The following FAM193A variants were observed in gnomAD, a reference collection of about 807,000 sequenced individuals.
FAM193A encodes the protein protein FAM193A.
A neutral mutation model predicts 126.5 loss-of-function variants in FAM193A; 22 were observed. That is an observed-to-expected ratio of 0.17 (90% CI 0.12 to 0.25). The LOEUF (loss-of-function observed/expected upper bound fraction) is 0.25, where lower values mean the gene tolerates loss of function less well. FAM193A is among the 10% of genes least tolerant of loss of function. The pLI is 1.00. For missense variants in FAM193A, 1,675 were observed against 1,672.8 expected, an observed-to-expected ratio of 1.00 and a Z score of -0.02; for synonymous variants, 761 against 646.8, an observed-to-expected ratio of 1.18 and a Z score of -2.68.
At chr4:2,678,144 C>G (rs1189777457) in intron 13 of FAM193A, among the ~76,000 whole-genome samples, 1 of 151,758 alleles carries the variant, frequency 6.6e-6, no homozygotes, top group African/African-American at 2.4e-5. Context: ...TGCCACCACG[C>G]TCAGCTAATT....
chr4:2,678,038 A>T (rs1263373583), intron 13 of FAM193A, among the ~76,000 whole-genome samples: 4 of 152,032 alleles, frequency 2.6e-5, no homozygotes, highest in African/African-American at 7.2e-5. Flanking sequence ...TCCCTCTGTT[A>T]CCCAGGCTGG....
chr4:2,540,295 C>T (rs375832634), intron 1 of FAM193A, among the ~76,000 whole-genome samples: 65 of 152,120 alleles, frequency 4.3e-4, no homozygotes, highest in African/African-American at 1.5e-3. Flanking sequence ...CAGTGAAACC[C>T]GTCTCTAGTA....
In FAM193A at chr4:2,543,817, C is replaced by G. The variant is rs577126051; in HGVS notation, c.255+6647C>G. Among the ~76,000 whole-genome samples the G allele has an allele frequency of 9.9e-5, 12 of 121,502 alleles. No homozygotes were observed. In the East Asian group the frequency reaches 1.3e-3, roughly 14 times the overall value. The allele number at this position is 121,502 out of a possible 152,430, so 79.7% of individuals were successfully genotyped here. A position where few individuals can be genotyped will look rare whatever the true frequency, so the allele number is the denominator to read the frequency against. ...GGTGCAGGGCTGAGGTTGCAGTGAGCAGAGATCACACCATTGCACTTCAGC... is the reference window on the plus strand; with the variant it reads ...GGTGCAGGGCTGAGGTTGCAGTGAGGAGAGATCACACCATTGCACTTCAGC... On this transcript the variant is annotated intron_variant, in intron 1 of 20. Coordinates refer to ENST00000637812, the MANE Select transcript of FAM193A (RefSeq NM_001366318.2).
chr4:2,643,400 T>A (rs1744832302), intron 6 of FAM193A, among the ~76,000 whole-genome samples: 1 of 152,228 alleles, frequency 6.6e-6, no homozygotes, highest in South Asian at 2.1e-4. Context: ...ATATTTCATT[T>A]TTTAAAAATT....
At chr4:2,700,663 G>A in intron 19 of FAM193A, 119 bp downstream of exon 19, 1 of 1,294,256 alleles carries the variant, frequency 7.7e-7, no homozygotes, top group South Asian at 1.5e-5. Flanking sequence ...CCCTCCTGTA[G>A]AAAAGAGCGT....
chr4:2,592,962 G>T lies in FAM193A; in HGVS notation c.256-3122G>T, dbSNP rs187031340. Among the ~76,000 whole-genome samples the T allele has an allele frequency of 1.2e-4, 18 of 152,220 alleles. No individual in the cohort carries two copies. The East Asian group carries it at 3.5e-3, about 29-fold the overall frequency. ...AATCTTACAACCTGCAGGACCCTGGGTGGCAGCTTAGGAGGATATTGCCTC... is the reference window on the plus strand; with the variant it reads ...AATCTTACAACCTGCAGGACCCTGGTTGGCAGCTTAGGAGGATATTGCCTC... On this transcript the variant is annotated intron_variant, in intron 1 of 20. Coordinates refer to ENST00000637812, the MANE Select transcript of FAM193A (RefSeq NM_001366318.2).
intron 1 of FAM193A, among the ~76,000 whole-genome samples, chr4:2,553,716 C>T (rs971820262): frequency 6.6e-6 from 1 of 152,032 alleles, no homozygotes; most frequent in East Asian, 1.9e-4. Context: ...GGCTATGTTC[C>T]CACCCAAATC....
chr4:2,656,574 C>A (rs1711711174), intron 7 of FAM193A, among the ~76,000 whole-genome samples: 1 of 152,124 alleles, frequency 6.6e-6, no homozygotes, highest in Admixed American at 6.6e-5. Context: ...GGGATAGGCC[C>A]TAGTGGAGCC....
chr4:2,699,823 G>C lies in FAM193A; in HGVS notation c.3651G>C (p.Glu1217Asp). 2 of 1,613,920 alleles carry C rather than the reference G, an allele frequency of 1.2e-6. No homozygotes were observed. Among genetic ancestry groups the C allele is most frequent in the South Asian group, 2.2e-5 (2 of 91,084 alleles). Residue 1217 changes from glutamate (E) to aspartate (D), a missense_variant, in exon 19 of 21, where the codon GAG (glutamate) becomes GAC (aspartate). Around this residue, in one of 4 missense-constraint regions of FAM193A, gnomAD observed 415 missense variants for 396.7 expected, o/e 1.05. Coordinates refer to ENST00000637812, the MANE Select transcript of FAM193A (RefSeq NM_001366318.2). ...RFKEEFQRLQ[E>D]LQKLRAVKKK... ...AGGAGGAATTTCAGCGGCTTCAGGAGCTTCAGAAGCTAAGAGCTGTAAAAA... is the reference window on the plus strand; with the variant it reads ...AGGAGGAATTTCAGCGGCTTCAGGACCTTCAGAAGCTAAGAGCTGTAAAAA...
chr4:2,590,491 A>AAC (rs1740490750), intron 1 of FAM193A, among the ~76,000 whole-genome samples: 3 of 102,708 alleles, frequency 2.9e-5, no homozygotes, highest in African/African-American at 2.0e-4. Flanking sequence ...AAAAACAAAA[A>AAC]AAAACAAAAA....
chr4:2,649,049 T>C (rs765931877), intron 7 of FAM193A, among the ~76,000 whole-genome samples: 27 of 152,192 alleles, frequency 1.8e-4, no homozygotes, highest in Non-Finnish European at 3.2e-4. Flanking sequence ...GAGCTTTTAA[T>C]TCCAAATAAG....
intron 1 of FAM193A, among the ~76,000 whole-genome samples, chr4:2,547,622 G>A (rs796615968): frequency 7.0e-6 from 1 of 143,722 alleles, no homozygotes; most frequent in African/African-American, 2.9e-5. Context: ...GTGTGTGTGT[G>A]TGTATGTATT....
At chr4:2,606,493 T>C (rs1424093077) in intron 2 of FAM193A, among the ~76,000 whole-genome samples, 1 of 152,214 alleles carries the variant, frequency 6.6e-6, no homozygotes, top group Admixed American at 6.5e-5. Flanking sequence ...TGTGGATATT[T>C]TTCTTTGATG....
At chr4:2,642,910 T>C (rs1478248950) in intron 6 of FAM193A, among the ~76,000 whole-genome samples, 3 of 152,016 alleles carry the variant, frequency 2.0e-5, no homozygotes, top group Admixed American at 2.0e-4. Flanking sequence ...TTTTTTTTTG[T>C]ATTTTTAGTA....
At chr4:2,703,428 A>G (rs1339520534) in intron 19 of FAM193A, among the ~76,000 whole-genome samples, 1 of 151,946 alleles carries the variant, frequency 6.6e-6, no homozygotes, top group Non-Finnish European at 1.5e-5. Context: ...TGTATTTTTA[A>G]TAGAGATGAG....
Position 2,663,192 on chromosome 4 carries a change from A to G in FAM193A, c.1983A>G (p.Pro661=), listed in dbSNP as rs769782399. The G allele has an allele frequency of 9.3e-6, 15 of 1,614,164 alleles. No individual in the cohort carries two copies. The highest frequency in any genetic ancestry group is 1.7e-5 in the Admixed American group (1 of 60,030). Residue 661 remains proline (P), a synonymous_variant, in exon 12 of 21, where the codon CCA becomes CCG. Transcript: ENST00000637812. The part of the protein sequence containing the change: ...EADGESSGEP[P]GAPKEDGVLG... ...ACGGCGAGAGTAGTGGGGAGCCCCC[A>G]GGGGCCCCGAAGGAAGATGGAGTGC...
At chr4:2,687,334 A>T (rs7340951) in intron 13 of FAM193A, among the ~76,000 whole-genome samples, 1 of 152,116 alleles carries the variant, frequency 6.6e-6, no homozygotes, top group Non-Finnish European at 1.5e-5. Context: ...CTGAATACTT[A>T]CTATGGGCCA....
At chr4:2,548,427 A>G (rs1737703330) in intron 1 of FAM193A, among the ~76,000 whole-genome samples, 1 of 151,628 alleles carries the variant, frequency 6.6e-6, no homozygotes. Context: ...CCTTTGTCAT[A>G]TATAATTTGC....
At chr4:2,644,855 A>G (rs761363683) in intron 6 of FAM193A, among the ~76,000 whole-genome samples, 1 of 152,220 alleles carries the variant, frequency 6.6e-6, no homozygotes, top group East Asian at 1.9e-4. Flanking sequence ...TGTCATTACA[A>G]ATAAAATTAT....
Sources: gnomAD v4.1 joint callset for allele counts (sites outside exome capture counted in the v4.1 genomes callset) on GRCh38, gnomAD v4.1.1 for gene constraint, gnomAD v4.1.1 regional missense constraint, MANE v1.5 for transcripts, NCBI Gene and HGNC (gene_info 2026-07-23, HGNC 2026-07-21) for gene names.